Variants in STIM2 observed in about 807,000 individuals in gnomAD.
STIM2 encodes stromal interaction molecule 2.
In STIM2, 31 loss-of-function variants were observed where a neutral mutation model predicts 85.8. The observed-to-expected ratio is 0.36, with a 90% CI of 0.27 to 0.49. The LOEUF is 0.49. STIM2 is among the 20% of genes least tolerant of loss of function. The pLI is 0.98. For synonymous variants in STIM2, 356 were observed against 331.1 expected (o/e 1.08, Z -0.82); for missense variants, 841 against 927.6 (o/e 0.91, Z 1.21).
intron 2 of STIM2, among the ~76,000 whole-genome samples, chr4:26,931,611 A>G (rs1725208075): frequency 6.6e-6 from 1 of 152,138 alleles, no homozygotes; most frequent in Non-Finnish European, 1.5e-5. Flanking sequence ...TGGTGACTCT[A>G]ATTACATGCA....
chr4:26,941,611 T>C (rs1043195601), intron 2 of STIM2, among the ~76,000 whole-genome samples: 1 of 152,128 alleles, frequency 6.6e-6, no homozygotes, highest in Non-Finnish European at 1.5e-5. Flanking sequence ...GCAGCGAGAT[T>C]TAAATTCTTA....
chr4:26,870,950 G>A (rs1382725324), intron 1 of STIM2, among the ~76,000 whole-genome samples: 12 of 150,856 alleles, frequency 8.0e-5, no homozygotes, highest in Admixed American at 7.9e-4. Flanking sequence ...TGCCGAGAAT[G>A]TATGAGTTTG....
At chr4:27,014,648 C>A (rs1728676561) in intron 10 of STIM2, among the ~76,000 whole-genome samples, 1 of 151,718 alleles carries the variant, frequency 6.6e-6, no homozygotes, top group African/African-American at 2.4e-5. Context: ...CTGGAAATTA[C>A]ATTTTCTTAA....
At chr4:26,867,295 G>A (rs1261819422) in intron 1 of STIM2, among the ~76,000 whole-genome samples, 1 of 152,142 alleles carries the variant, frequency 6.6e-6, no homozygotes, top group South Asian at 2.1e-4. Context: ...ATTTGTGATA[G>A]AGAATCTTCT....
In STIM2 at chr4:26,860,998, C is replaced by T. The variant is rs879790842; in HGVS notation, c.-221C>T. 3 of 1,300,152 alleles carry T rather than the reference C, an allele frequency of 2.3e-6. No homozygotes were observed. Among genetic ancestry groups the T allele is most frequent in the Non-Finnish European group, 3.0e-6 (3 of 1,014,366 alleles). 80.5% of individuals were successfully genotyped at this position (1,300,152 alleles called of 1,614,324 possible). The stretch of plus-strand genomic sequence containing the variant: ...ATCAGAGCTCCGGAGGCCGCCGGTG[C>T]CGATGGGACCAGGCTGGCGCCCGGC... On this transcript the variant is annotated 5_prime_UTR_variant, in exon 1 of 12. Coordinates refer to ENST00000467087, the MANE Select transcript of STIM2 (RefSeq NM_020860.4).
intron 9 of STIM2, 111 bp downstream of exon 9, chr4:27,008,639 T>G (rs1427355132): frequency 1.7e-6 from 2 of 1,159,020 alleles, no homozygotes; most frequent in Non-Finnish European, 2.5e-6. Context: ...TACATTAGTT[T>G]TAAGAGTGGG....
At chr4:27,002,839 A>C in intron 6 of STIM2, 88 bp from the exon 7 acceptor site, 1 of 1,145,792 alleles carries the variant, frequency 8.7e-7, no homozygotes, top group Non-Finnish European at 1.2e-6. Context: ...ATATGTATTT[A>C]ATCGCTTGAC....
At chr4:26,958,889 T>C (rs1375212124) in intron 3 of STIM2, among the ~76,000 whole-genome samples, 1 of 152,150 alleles carries the variant, frequency 6.6e-6, no homozygotes, top group Non-Finnish European at 1.5e-5. Context: ...CAGAGTCTAT[T>C]GCTATTAGTA....
chr4:26,961,245 T>C (rs1726448763), intron 3 of STIM2, among the ~76,000 whole-genome samples: 1 of 152,074 alleles, frequency 6.6e-6, no homozygotes, highest in South Asian at 2.1e-4. Flanking sequence ...TCTGGCCAAA[T>C]TGAGCAAAGA....
intron 3 of STIM2, among the ~76,000 whole-genome samples, chr4:26,991,057 A>G (rs1334028409): frequency 6.6e-6 from 1 of 152,166 alleles, no homozygotes; most frequent in Non-Finnish European, 1.5e-5. Context: ...GAGCTAGCAT[A>G]TGATTCAGCA....
At chr4:26,979,740 T>C (rs1727313324) in intron 3 of STIM2, among the ~76,000 whole-genome samples, 1 of 152,222 alleles carries the variant, frequency 6.6e-6, no homozygotes, top group South Asian at 2.1e-4. Flanking sequence ...TTTAAGTAGT[T>C]ATTGGTAATA....
chr4:26,935,889 T>C (rs1337225692), intron 2 of STIM2, among the ~76,000 whole-genome samples: 1 of 152,234 alleles, frequency 6.6e-6, no homozygotes, highest in Non-Finnish European at 1.5e-5. Context: ...ACAATATTTA[T>C]AAATATAAAT....
chr4:27,023,233 C>T lies in STIM2; in HGVS notation c.*237C>T. The T allele has an allele frequency of 6.1e-6, 3 of 493,164 alleles. No homozygotes were observed. The highest frequency in any genetic ancestry group is 1.1e-5 in the Non-Finnish European group (3 of 275,186). The allele number at this position is 493,164 out of a possible 1,614,324, so 30.5% of individuals were successfully genotyped here. A position where few individuals can be genotyped will look rare whatever the true frequency, so the allele number is the denominator to read the frequency against. ...TTACTGAAAAATCATTGAAATGAGA[C>T]AGTTTACAGTCATTTCTGCCTATTT... On this transcript the variant is annotated 3_prime_UTR_variant, in exon 12 of 12. Coordinates refer to ENST00000467087, the MANE Select transcript of STIM2 (RefSeq NM_020860.4).
chr4:26,877,364 A>C (rs151016603), intron 1 of STIM2, among the ~76,000 whole-genome samples: 52 of 152,094 alleles, frequency 3.4e-4, no homozygotes, highest in African/African-American at 1.3e-3. Flanking sequence ...GTCTGTTCTT[A>C]TGTTGTCCAG....
At chr4:26,941,045 A>C (rs144260064) in intron 2 of STIM2, among the ~76,000 whole-genome samples, 4 of 152,248 alleles carry the variant, frequency 2.6e-5, no homozygotes, top group Non-Finnish European at 5.9e-5. Context: ...GATCTTTTAC[A>C]GTCTGGTCAT....
chr4:26,927,848 T>C (rs1228073885), intron 2 of STIM2, among the ~76,000 whole-genome samples: 2 of 135,814 alleles, frequency 1.5e-5, no homozygotes, highest in African/African-American at 6.3e-5. Context: ...AATTATATAT[T>C]AATATATAAT....
At chr4:26,966,129 A>G (rs1726707519) in intron 3 of STIM2, among the ~76,000 whole-genome samples, 1 of 152,148 alleles carries the variant, frequency 6.6e-6, no homozygotes, top group African/African-American at 2.4e-5. Flanking sequence ...AGTACAGTAA[A>G]AGAACCTTCT....
intron 10 of STIM2, among the ~76,000 whole-genome samples, chr4:27,013,804 C>T (rs1171523539): frequency 6.6e-6 from 1 of 151,894 alleles, no homozygotes; most frequent in Non-Finnish European, 1.5e-5. Flanking sequence ...TTATTCTGTA[C>T]CTTGAAATAG....
chr4:26,869,890 A>G lies in STIM2; in HGVS notation c.151+8521A>G, dbSNP rs116606919. 7.9e-3 allele frequency among the ~76,000 whole-genome samples: 1,197 copies of G among 151,810 alleles called. 25 individuals carry two copies. The highest frequency in any genetic ancestry group is 0.028 in the African/African-American group (1,147 of 41,334). Reference sequence around the variant, plus strand: ...TTCAGCATTTTTCACAATAGCCAAGATATGGAAACAACCTTAACGTTCATC... The same window carrying G: ...TTCAGCATTTTTCACAATAGCCAAGGTATGGAAACAACCTTAACGTTCATC... On this transcript the variant is annotated intron_variant, in intron 1 of 11. Transcript: ENST00000467087.
Sources: gnomAD v4.1 joint callset for allele counts (sites outside exome capture counted in the v4.1 genomes callset) on GRCh38, gnomAD v4.1.1 for gene constraint, MANE v1.5 for transcripts, NCBI Gene and HGNC (gene_info 2026-07-23, HGNC 2026-07-21) for gene names.